SNAP23: variants seen among roughly 807,000 people sequenced by gnomAD.
SNAP23 encodes synaptosome associated protein 23, also known as synaptosomal-associated protein 23.
SNAP23 carries 11 observed loss-of-function variants against 29.0 expected under a neutral mutation model. That is an observed-to-expected ratio of 0.38 (90% CI 0.24 to 0.63). The LOEUF (loss-of-function observed/expected upper bound fraction) is 0.63. Among genes scored for constraint, SNAP23 ranks in the 20% least tolerant of loss-of-function variants. The pLI is 0.58. For missense variants in SNAP23, 220 were observed against 253.9 expected (o/e 0.87, Z 0.91); for synonymous variants, 60 against 82.9 (o/e 0.72, Z 1.50).
upstream of SNAP23, chr15:42,491,346 ATTCTCCTTGT>A: frequency 6.6e-6 from 1 of 152,314 alleles, no homozygotes; most frequent in Non-Finnish European, 1.5e-5. Flanking sequence ...TCCCTTTTTC[ATTCTCCTTGT>A]TTCTCCTTGT....
intron 5 of SNAP23, among the ~76,000 whole-genome samples, chr15:42,516,056 G>A (rs913384974): frequency 1.3e-5 from 2 of 151,702 alleles, no homozygotes; most frequent in Non-Finnish European, 2.9e-5. Flanking sequence ...TAAGATATAA[G>A]TAGGTAGTAG....
At chr15:42,531,307 G>A (rs1241884104) in intron 7 of SNAP23, 106 bp from the exon 8 acceptor site, 6 of 627,732 alleles carry the variant, frequency 9.6e-6, no homozygotes, top group African/African-American at 3.7e-5. Context: ...GTAACTTCAC[G>A]TGGTTTCTTG....
intron 6 of SNAP23, 113 bp from the exon 7 acceptor site, chr15:42,529,562 T>C (rs907252857): frequency 9.5e-7 from 1 of 1,054,698 alleles, no homozygotes; most frequent in African/African-American, 1.6e-5. Context: ...TATATTCTTT[T>C]GGATCTTATA....
intron 1 of SNAP23, among the ~76,000 whole-genome samples, chr15:42,503,828 G>A (rs80313493): frequency 2.7e-3 from 412 of 152,166 alleles, no homozygotes; most frequent in Admixed American, 4.2e-3. Flanking sequence ...TAGTAGATAC[G>A]ATTCTGTGAT....
chr15:42,513,439 A>T lies in SNAP23; in HGVS notation c.140A>T (p.Glu47Val). Residue 47 changes from glutamate to valine, a missense_variant, in exon 4 of 8, where the codon GAA becomes GTA. Coordinates refer to ENST00000249647, the MANE Select transcript of SNAP23 (RefSeq NM_003825.4). ...AGIKTITMLD[E>V]QKEQLNRIEE... ...ATCAAGACCATCACTATGCTGGATG[A>T]ACAAAAGGGTAAGTTAAATTATTAG... 1 of 1,613,246 alleles carries T rather than the reference A, an allele frequency of 6.2e-7. No individual in the cohort carries two copies. The highest frequency in any genetic ancestry group is 8.5e-7 in the Non-Finnish European group (1 of 1,179,178).
chr15:42,507,525 ATAGAT>A (rs1455749223), intron 1 of SNAP23, among the ~76,000 whole-genome samples: 1 of 152,250 alleles, frequency 6.6e-6, no homozygotes, highest in Non-Finnish European at 1.5e-5. Context: ...CAAGTATTTA[ATAGAT>A]TAGATTAAAT....
chr15:42,510,680 C>A (rs1171461299), intron 1 of SNAP23, among the ~76,000 whole-genome samples: 1 of 152,178 alleles, frequency 6.6e-6, no homozygotes, highest in Non-Finnish European at 1.5e-5. Context: ...AAATCTCTGC[C>A]TTCCAAGAAT....
chr15:42,500,719 G>C (rs1048833828), intron 1 of SNAP23, among the ~76,000 whole-genome samples: 1 of 152,078 alleles, frequency 6.6e-6, no homozygotes, highest in Non-Finnish European at 1.5e-5. Context: ...GCTGTGATAG[G>C]TAGAAACTTG....
In SNAP23 at chr15:42,508,339, C is replaced by T. The variant is rs1045770202; in HGVS notation, c.-14-3494C>T. Among the ~76,000 whole-genome samples the T allele has an allele frequency of 2.6e-5, 4 of 151,988 alleles. No homozygotes were observed. In the South Asian group the frequency reaches 6.2e-4, roughly 24 times the overall value. On this transcript the variant is annotated intron_variant, in intron 1 of 7. Coordinates refer to ENST00000249647, the MANE Select transcript of SNAP23 (RefSeq NM_003825.4). ...ATGCAAAACTCCCGTCTACAGAGGG[C>T]GGACTTTTATATCTGCAGGTTCCTC...
intron 5 of SNAP23, among the ~76,000 whole-genome samples, chr15:42,522,863 T>TTTG (rs2057461163): frequency 7.0e-6 from 1 of 143,358 alleles, no homozygotes; most frequent in East Asian, 2.0e-4. Context: ...TTTTTTTTTT[T>TTTG]GAGACAGAGT....
intron 5 of SNAP23, among the ~76,000 whole-genome samples, chr15:42,519,544 A>G (rs528221312): frequency 2.0e-5 from 3 of 150,590 alleles, no homozygotes; most frequent in African/African-American, 7.3e-5. Flanking sequence ...TAACTAATGT[A>G]TTTTTAGTAG....
chr15:42,532,979 G>C lies in SNAP23; in HGVS notation c.*1501G>C, dbSNP rs1460173034. ...CACATTTATTTTAAAATTAGCATCT[G>C]AACACTTCAAAGCTGTCAGTGTGTA... On this transcript the variant is annotated 3_prime_UTR_variant, in exon 8 of 8. Transcript: ENST00000249647. 1 of 152,528 alleles carries C rather than the reference G, an allele frequency of 6.6e-6. No homozygotes were observed. The highest frequency in any genetic ancestry group is 1.5e-5 in the Non-Finnish European group (1 of 68,016). 9.4% of individuals were successfully genotyped at this position (152,528 alleles called of 1,614,324 possible). A position where few individuals can be genotyped will look rare whatever the true frequency, so the allele number is the denominator to read the frequency against.
intron 5 of SNAP23, among the ~76,000 whole-genome samples, chr15:42,523,497 G>A (rs1000327909): frequency 6.6e-6 from 1 of 152,196 alleles, no homozygotes; most frequent in African/African-American, 2.4e-5. Flanking sequence ...GGACCAAAAA[G>A]TAAACATGCC....
At chr15:42,503,368 AT>A (rs5812222) in intron 1 of SNAP23, among the ~76,000 whole-genome samples, 72,689 of 116,220 alleles carry the variant, frequency 0.63, 23,327 homozygotes, top group East Asian at 0.87. Context: ...CGCCTGGCTA[AT>A]TTTTTTTTTT....
At chr15:42,523,789 C>CTTTTTTGTTTTTTG (rs541632087) in intron 5 of SNAP23, among the ~76,000 whole-genome samples, 4 of 151,758 alleles carry the variant, frequency 2.6e-5, no homozygotes, top group Non-Finnish European at 5.9e-5. Context: ...AATGCTGTTA[C>CTTTTTTGTTTTTTG]TTTTTTGTTT....
rs75914787 is a variant in SNAP23 at position 42,521,592 on chromosome 15, A to T, written c.266+6238A>T. 2.6e-6 allele frequency: 4 copies of T among 1,533,232 alleles called. No homozygotes were observed. The East Asian group carries it at 9.8e-5, about 38-fold the overall frequency. The allele number at this position is 1,533,232 out of a possible 1,614,324, so 95.0% of individuals were successfully genotyped here. On this transcript the variant is annotated intron_variant, in intron 5 of 7. Transcript: ENST00000249647. ...TCTCTCACCTAATCTCTTCCTTTCT[A>T]ATCTGCTTACTAAAAATGAAGATTT...
chr15:42,516,232 A>C (rs1005997423), intron 5 of SNAP23, among the ~76,000 whole-genome samples: 2 of 151,858 alleles, frequency 1.3e-5, no homozygotes, highest in African/African-American at 2.4e-5. Context: ...TGGCGTGATC[A>C]CAGCTCACTG....
intron 5 of SNAP23, 40 bp from the exon 6 acceptor site, chr15:42,528,222 T>A: frequency 6.5e-7 from 1 of 1,532,502 alleles, no homozygotes; most frequent in South Asian, 1.1e-5. Context: ...CTCCGTCTTC[T>A]TTTTTTTGGT....
At chr15:42,508,160 G>A (rs1484042076) in intron 1 of SNAP23, among the ~76,000 whole-genome samples, 2 of 151,818 alleles carry the variant, frequency 1.3e-5, no homozygotes, top group Admixed American at 1.3e-4. Flanking sequence ...AGCTATTCAG[G>A]GGGCTAAATG....
Sources: allele counts gnomAD v4.1 joint callset (sites outside exome capture counted in the v4.1 genomes callset), GRCh38; gene constraint gnomAD v4.1.1; transcripts MANE v1.5; gene names NCBI Gene and HGNC (gene_info 2026-07-23, HGNC 2026-07-21).